Variants in USP24 observed in about 807,000 individuals in gnomAD.
USP24 encodes ubiquitin specific peptidase 24.
USP24 carries 97 observed loss-of-function variants against 361.6 expected under a neutral mutation model. The observed-to-expected ratio is 0.27, with a 90% confidence interval of 0.23 to 0.32. The LOEUF is 0.32. Ranked by LOEUF, USP24 falls within the 10% of genes least tolerant of loss-of-function variation. USP24 has a pLI of 1.00. For synonymous variants in USP24, 1,098 were observed against 1,124.6 expected, an observed-to-expected ratio of 0.98 and a Z score of 0.47; for missense variants, 2,353 against 3,165.6, an observed-to-expected ratio of 0.74 and a Z score of 6.16.
At chr1:55,193,968 G>GA (rs1644354417) in intron 1 of USP24, among the ~76,000 whole-genome samples, 2 of 152,090 alleles carry the variant, frequency 1.3e-5, no homozygotes, top group South Asian at 4.1e-4. Flanking sequence ...AAGCATACTT[G>GA]AAAGTATTCC....
At chr1:55,141,239 T>G (rs968943910) in intron 24 of USP24, among the ~76,000 whole-genome samples, 6 of 152,180 alleles carry the variant, frequency 3.9e-5, no homozygotes, top group Non-Finnish European at 7.3e-5. Flanking sequence ...AAGTAAATAT[T>G]TTTAACTTGA....
chr1:55,107,840 T>TCAAAA, intron 39 of USP24, among the ~76,000 whole-genome samples: 1 of 1,820 alleles, frequency 5.5e-4, no homozygotes. Context: ...AGACTCTGTC[T>TCAAAA]CAAAAAAAAA....
Position 55,086,029 on chromosome 1 carries a change from T to C in USP24, c.6678A>G (p.Leu2226=). The change falls in exon 56 of 68, where the codon TTA becomes TTG. Residue 2226 remains leucine, a synonymous_variant. Transcript: ENST00000294383. The part of the protein sequence containing the change: ...SEGRELIKIF[L]LECNVREVRV... ...GTACTTCTCTCACATTGCACTCCAG[T>C]AAGAAAATCCTGAAAGAAAGAGAAA... The C allele has an allele frequency of 6.2e-7, 1 of 1,613,850 alleles. No individual in the cohort carries two copies. Among genetic ancestry groups the C allele is most frequent in the Non-Finnish European group, 8.5e-7 (1 of 1,179,802 alleles).
rs1295040784 is a variant in USP24 at position 55,068,833 on chromosome 1, C to G, written c.*212G>C. The stretch of plus-strand genomic sequence containing the variant: ...AGACCACGCTCCCGGGACAGCTGAT[C>G]CACATGCCGGAGTTCTCCCACTGCC... On this transcript the variant is annotated 3_prime_UTR_variant, in exon 68 of 68. Transcript: ENST00000294383. The G allele has an allele frequency of 1.7e-6, 1 of 572,714 alleles. No homozygotes were observed. Among genetic ancestry groups the G allele is most frequent in the Non-Finnish European group, 3.1e-6 (1 of 324,728 alleles). The allele number at this position is 572,714 out of a possible 1,614,324, so 35.5% of individuals were successfully genotyped here.
chr1:55,071,789 C>G (rs371864747), intron 67 of USP24, 25 bp downstream of exon 67: 2 of 1,595,684 alleles, frequency 1.3e-6, no homozygotes, highest in Non-Finnish European at 1.7e-6. Flanking sequence ...GCCCTTTGCA[C>G]ACAAGGACAT....
At chr1:55,128,713 C>CT (rs869191004) in intron 32 of USP24, among the ~76,000 whole-genome samples, 3,592 of 124,872 alleles carry the variant, frequency 0.029, 181 homozygotes, top group African/African-American at 0.072. Flanking sequence ...GCTTTAATAC[C>CT]TTTTTTTTTT....
chr1:55,164,760 C>T (rs1249885419), intron 7 of USP24, among the ~76,000 whole-genome samples: 2 of 151,654 alleles, frequency 1.3e-5, no homozygotes, highest in East Asian at 3.9e-4. Context: ...TATCCTGAGC[C>T]AATTTTCATC....
intron 1 of USP24, among the ~76,000 whole-genome samples, chr1:55,204,542 A>T (rs1291677074): frequency 3.9e-5 from 6 of 152,156 alleles, no homozygotes; most frequent in East Asian, 1.9e-4. Flanking sequence ...CATCACAAAA[A>T]ATCCTAGAGG....
chr1:55,084,911 C>CTGG (rs2100442928), intron 56 of USP24, among the ~76,000 whole-genome samples: 1 of 152,318 alleles, frequency 6.6e-6, no homozygotes, highest in South Asian at 2.1e-4. Flanking sequence ...TGCACTAACT[C>CTGG]TGCCTTTATC....
At chr1:55,203,078 T>C (rs1644618114) in intron 1 of USP24, among the ~76,000 whole-genome samples, 3 of 152,220 alleles carry the variant, frequency 2.0e-5, no homozygotes, top group African/African-American at 7.2e-5. Context: ...CATTAAACTT[T>C]ATCACAGGTA....
intron 1 of USP24, among the ~76,000 whole-genome samples, chr1:55,197,608 G>C (rs566175800): frequency 8.9e-4 from 136 of 152,320 alleles, no homozygotes; most frequent in African/African-American, 3.1e-3. Context: ...CTGAGCTGTA[G>C]TAAACTTCAC....
intron 31 of USP24, among the ~76,000 whole-genome samples, chr1:55,131,082 G>A (rs1557607973): frequency 6.6e-6 from 1 of 152,162 alleles, no homozygotes; most frequent in Non-Finnish European, 1.5e-5. Flanking sequence ...AAATATAGGT[G>A]TTTAAAATTA....
Position 55,135,775 on chromosome 1 carries a change from A to G in USP24, c.3202-1362T>C, listed in dbSNP as rs191224941. Among the ~76,000 whole-genome samples the G allele has an allele frequency of 4.9e-3, 711 of 146,156 alleles. 1 individual carries two copies. Among genetic ancestry groups the G allele is most frequent in the Non-Finnish European group, 7.1e-3 (485 of 67,988 alleles). On this transcript the variant is annotated intron_variant, in intron 28 of 67. Transcript: ENST00000294383. ...GAAATATATATAATAACCATAGGGG[A>G]AAAAAAACCCTATATGTCTTTTAAA...
At chr1:55,084,017 G>C (rs1374346324) in intron 56 of USP24, 129 bp from the exon 57 acceptor site, 1 of 727,856 alleles carries the variant, frequency 1.4e-6, no homozygotes, top group African/African-American at 1.8e-5. Context: ...CTCAGATTCA[G>C]ATGGACTTAT....
At chr1:55,100,808 T>G (rs764182790) in intron 44 of USP24, 31 bp downstream of exon 44, 7 of 1,571,608 alleles carry the variant, frequency 4.5e-6, no homozygotes, top group Non-Finnish European at 5.2e-6. Context: ...ATTTAACATC[T>G]TTAAATCTCA....
intron 30 of USP24, among the ~76,000 whole-genome samples, chr1:55,133,494 T>C (rs1646648720): frequency 6.6e-6 from 1 of 152,156 alleles, no homozygotes; most frequent in Non-Finnish European, 1.5e-5. Context: ...TCCTAATATA[T>C]AACATGAGGA....
chr1:55,129,009 C>T (rs1370580545), intron 32 of USP24, among the ~76,000 whole-genome samples: 4 of 152,120 alleles, frequency 2.6e-5, no homozygotes, highest in Non-Finnish European at 5.9e-5. Flanking sequence ...CATGAACCAC[C>T]ATGCCTGCCC....
intron 43 of USP24, 113 bp from the exon 44 acceptor site, chr1:55,101,077 T>G (rs1201593963): frequency 1.6e-6 from 2 of 1,251,430 alleles, no homozygotes; most frequent in Non-Finnish European, 2.2e-6. Flanking sequence ...TATGTATGTT[T>G]GGACATGGCT....
Position 55,083,286 on chromosome 1 carries a change from G to T in USP24, c.6961C>A (p.Arg2321=), listed in dbSNP as rs749441281. 1 of 1,613,512 alleles carries T rather than the reference G, an allele frequency of 6.2e-7. No individual in the cohort carries two copies. Among genetic ancestry groups the T allele is most frequent in the African/African-American group, 1.3e-5 (1 of 74,982 alleles). Residue 2321 remains arginine, a synonymous_variant, in exon 58 of 68, where the codon CGG becomes AGG. Transcript: ENST00000294383. ...HMISFLLGAS[R]QNNQIRRWSS... ...GTAGTCCTTACCTGATTGTTTTGCC[G>T]ACTGGCCCCTAGGAGGAAGCTGATC...
Sources: gnomAD v4.1 joint callset for allele counts (sites outside exome capture counted in the v4.1 genomes callset) on GRCh38, gnomAD v4.1.1 for gene constraint, MANE v1.5 for transcripts, NCBI Gene and HGNC (gene_info 2026-07-23, HGNC 2026-07-21) for gene names.